The following CCDC85A variants were observed in gnomAD, a reference collection of about 807,000 sequenced individuals.
CCDC85A encodes the protein coiled-coil domain-containing protein 85A.
Under a neutral mutation model 50.2 loss-of-function variants are expected in CCDC85A, and 38 were observed. That is an observed-to-expected ratio of 0.76 (90% CI 0.58 to 0.99). CCDC85A has a LOEUF of 0.99. Among genes scored for constraint, CCDC85A ranks in the 50% least tolerant of loss-of-function variants. CCDC85A has a pLI of 0.00. For synonymous variants in CCDC85A, 366 were observed against 301.4 expected (o/e 1.21, Z -2.22); for missense variants, 820 against 742.0 (o/e 1.11, Z -1.22).
intron 2 of CCDC85A, among the ~76,000 whole-genome samples, chr2:56,317,473 C>G (rs1298415617): frequency 6.6e-6 from 1 of 152,092 alleles, no homozygotes; most frequent in African/African-American, 2.4e-5. Flanking sequence ...GCTGTCTCTC[C>G]TGTCTTGCAA....
At chr2:56,326,995 TG>T (rs1388742697) in intron 2 of CCDC85A, among the ~76,000 whole-genome samples, 3 of 152,156 alleles carry the variant, frequency 2.0e-5, no homozygotes, top group Non-Finnish European at 4.4e-5. Flanking sequence ...TAATCAGAAC[TG>T]GTATGCATCT....
At chr2:56,302,983 C>T (rs1558631463) in intron 2 of CCDC85A, among the ~76,000 whole-genome samples, 1 of 152,136 alleles carries the variant, frequency 6.6e-6, no homozygotes, top group Non-Finnish European at 1.5e-5. Flanking sequence ...GTGGTGTGCT[C>T]AGTGTCATGC....
intron 2 of CCDC85A, among the ~76,000 whole-genome samples, chr2:56,300,157 A>G (rs1034505183): frequency 2.0e-5 from 3 of 152,016 alleles, no homozygotes; most frequent in Non-Finnish European, 2.9e-5. Context: ...CTGTTAGGTT[A>G]TCAATGCACC....
At chr2:56,326,470 G>A (rs1573264061) in intron 2 of CCDC85A, among the ~76,000 whole-genome samples, 1 of 152,162 alleles carries the variant, frequency 6.6e-6, no homozygotes, top group Non-Finnish European at 1.5e-5. Flanking sequence ...GAATCCTTGT[G>A]AAACTAGAAG....
At position 56,349,730 on chromosome 2, in the gene CCDC85A, C is replaced by G. The variant is rs183712857; in HGVS notation, c.1317+6775C>G. On this transcript the variant is annotated intron_variant, in intron 3 of 5. Transcript: ENST00000407595. Reference sequence around the variant, plus strand: ...TATTAGTAGAATTATTTAATAGGTACTAAACTATTTGGGACTGTGTTATCA... The same window carrying G: ...TATTAGTAGAATTATTTAATAGGTAGTAAACTATTTGGGACTGTGTTATCA... 3.9e-5 allele frequency among the ~76,000 whole-genome samples: 6 copies of G among 152,224 alleles called. No individual in the cohort carries two copies. In the East Asian group the frequency reaches 1.2e-3, roughly 29 times the overall value.
intron 2 of CCDC85A, among the ~76,000 whole-genome samples, chr2:56,230,557 A>C (rs966329451): frequency 5.3e-5 from 8 of 152,108 alleles, no homozygotes; most frequent in Non-Finnish European, 1.0e-4. Flanking sequence ...TAAAAATGTA[A>C]ATTGAATGCT....
chr2:56,216,011 C>T (rs1443734640), intron 2 of CCDC85A, among the ~76,000 whole-genome samples: 1 of 151,868 alleles, frequency 6.6e-6, no homozygotes, highest in Non-Finnish European at 1.5e-5. Flanking sequence ...GCTACATTTG[C>T]ACTACAGTGG....
At chr2:56,248,707 T>A (rs928830068) in intron 2 of CCDC85A, among the ~76,000 whole-genome samples, 7 of 152,166 alleles carry the variant, frequency 4.6e-5, no homozygotes, top group African/African-American at 1.7e-4. Flanking sequence ...GTAAGTTCAT[T>A]TTTATCAAGC....
intron 2 of CCDC85A, among the ~76,000 whole-genome samples, chr2:56,306,757 C>T (rs961988197): frequency 6.6e-6 from 1 of 152,110 alleles, no homozygotes; most frequent in Non-Finnish European, 1.5e-5. Context: ...TGTTGAACCC[C>T]TACTATGTGC....
intron 5 of CCDC85A, among the ~76,000 whole-genome samples, chr2:56,380,437 A>G (rs1676528114): frequency 6.6e-6 from 1 of 151,890 alleles, no homozygotes; most frequent in East Asian, 1.9e-4. Context: ...GCACACACCT[A>G]TAGTCCCAGC....
intron 2 of CCDC85A, among the ~76,000 whole-genome samples, chr2:56,262,391 C>T (rs1273835379): frequency 1.3e-5 from 2 of 152,082 alleles, no homozygotes; most frequent in Admixed American, 1.3e-4. Flanking sequence ...TAACTAATTG[C>T]CAGAAATGTT....
At chr2:56,195,883 T>C (rs1030805575) in intron 2 of CCDC85A, among the ~76,000 whole-genome samples, 1 of 152,118 alleles carries the variant, frequency 6.6e-6, no homozygotes, top group African/African-American at 2.4e-5. Flanking sequence ...TATGGCAGAC[T>C]GAAACAGAAA....
Position 56,256,680 on chromosome 2 carries a change from A to G in CCDC85A, c.1240+63240A>G, listed in dbSNP as rs182083968. Among the ~76,000 whole-genome samples, 9 of 152,308 alleles carry G rather than the reference A, an allele frequency of 5.9e-5. No individual in the cohort carries two copies. In the East Asian group the frequency reaches 9.7e-4, roughly 16 times the overall value. The stretch of plus-strand genomic sequence containing the variant: ...CTGCAGTTGACTTAGGTATTGTTTC[A>G]TTGGATTTGACTCCCTTGCCCAGGC... On this transcript the variant is annotated intron_variant, in intron 2 of 5. Transcript: ENST00000407595.
At position 56,352,034 on chromosome 2, in the gene CCDC85A, G is replaced by A. The variant is rs1558654572; in HGVS notation, c.1317+9079G>A. Among the ~76,000 whole-genome samples, 3 of 152,132 alleles carry A rather than the reference G, an allele frequency of 2.0e-5. 1 individual carries two copies. The South Asian group carries it at 6.2e-4, about 31-fold the overall frequency. ...CATCTTGAATTAATTTTTGTATAAGGTGTAAGGAAGGGATCCAGTTCCTAC... is the reference window on the plus strand; with the variant it reads ...CATCTTGAATTAATTTTTGTATAAGATGTAAGGAAGGGATCCAGTTCCTAC... On this transcript the variant is annotated intron_variant, in intron 3 of 5. Coordinates refer to ENST00000407595, the MANE Select transcript of CCDC85A (RefSeq NM_001080433.2).
At chr2:56,285,506 TAG>T (rs1252186215) in intron 2 of CCDC85A, among the ~76,000 whole-genome samples, 1 of 146,476 alleles carries the variant, frequency 6.8e-6, no homozygotes, top group East Asian at 1.9e-4. Flanking sequence ...AATATTATTA[TAG>T]TATATTATAT....
intron 2 of CCDC85A, among the ~76,000 whole-genome samples, chr2:56,282,251 C>G (rs893905239): frequency 6.6e-6 from 1 of 151,458 alleles, no homozygotes; most frequent in East Asian, 1.9e-4. Flanking sequence ...TTTTTAGATT[C>G]TGTTGTTATG....
intron 2 of CCDC85A, among the ~76,000 whole-genome samples, chr2:56,301,376 A>G (rs1672195210): frequency 6.6e-6 from 1 of 152,176 alleles, no homozygotes; most frequent in African/African-American, 2.4e-5. Context: ...ACCACCTGTG[A>G]CAGAATCACC....
At chr2:56,362,882 C>G (rs1365662531) in intron 3 of CCDC85A, among the ~76,000 whole-genome samples, 2 of 152,136 alleles carry the variant, frequency 1.3e-5, no homozygotes, top group Non-Finnish European at 2.9e-5. Context: ...CTTGACCTCC[C>G]AAAGTGCTGG....
chr2:56,251,389 G>C (rs1418269958), intron 2 of CCDC85A, among the ~76,000 whole-genome samples: 1 of 152,230 alleles, frequency 6.6e-6, no homozygotes. Flanking sequence ...AAAAGTTGAC[G>C]AGTTTCATGT....
Sources: allele counts gnomAD v4.1 joint callset (sites outside exome capture counted in the v4.1 genomes callset), GRCh38; gene constraint gnomAD v4.1.1; transcripts MANE v1.5; gene names NCBI Gene and HGNC (gene_info 2026-07-23, HGNC 2026-07-21).